The following EYS variants were observed in gnomAD, a reference collection of about 807,000 sequenced individuals.
EYS encodes EGF-like photoreceptor maintenance factor.
EYS carries 250 observed loss-of-function variants against 282.1 expected under a neutral mutation model. That is an observed-to-expected ratio of 0.89 (90% CI 0.80 to 0.98). EYS has a LOEUF of 0.98. EYS is among the 50% of genes least tolerant of loss of function. The probability of loss-of-function intolerance (pLI) is 0.00; values close to 1 mark genes in which losing one functional copy is unlikely to be tolerated. For synonymous variants in EYS, 1,355 were observed against 1,282.9 expected, an observed-to-expected ratio of 1.06 and a Z score of -1.20; for missense variants, 4,016 against 3,709.0, an observed-to-expected ratio of 1.08 and a Z score of -2.15.
intron 26 of EYS, among the ~76,000 whole-genome samples, chr6:64,444,945 C>T (rs1775070646): frequency 6.6e-6 from 1 of 152,224 alleles, no homozygotes; most frequent in African/African-American, 2.4e-5. Flanking sequence ...TCACCAGAAG[C>T]TGAGGAGATG....
intron 35 of EYS, among the ~76,000 whole-genome samples, chr6:63,871,757 C>T (rs1772810564): frequency 6.6e-6 from 1 of 152,156 alleles, no homozygotes; most frequent in African/African-American, 2.4e-5. Context: ...CCTGTAAACA[C>T]ATTCCCTTTG....
At chr6:63,962,349 C>T (rs561127433) in intron 35 of EYS, among the ~76,000 whole-genome samples, 30 of 152,160 alleles carry the variant, frequency 2.0e-4, no homozygotes, top group South Asian at 1.5e-3. Flanking sequence ...AAAAATTTTG[C>T]GATCTACTCA....
At chr6:64,686,874 TATATATATACACACAC>T (rs1355376078) in intron 22 of EYS, among the ~76,000 whole-genome samples, 1 of 108,332 alleles carries the variant, frequency 9.2e-6, no homozygotes, top group Non-Finnish European at 2.0e-5. Flanking sequence ...TATACGTGTA[TATATATATACACACAC>T]ATATATATGT....
At chr6:63,937,345 C>CTTTTTTTTTTTTTTTTTTTTTTTTTT (rs778809745) in intron 35 of EYS, among the ~76,000 whole-genome samples, 2 of 54,498 alleles carry the variant, frequency 3.7e-5, no homozygotes, top group Admixed American at 2.3e-4. Flanking sequence ...TCTCTCTTTT[C>CTTTTTTTTTTTTTTTTTTTTTTTTTT]TTTTTTTTTT....
At chr6:64,249,530 A>G (rs1409499736) in intron 30 of EYS, among the ~76,000 whole-genome samples, 1 of 152,182 alleles carries the variant, frequency 6.6e-6, no homozygotes, top group Non-Finnish European at 1.5e-5. Flanking sequence ...ATACATTTAT[A>G]ATAATAAAAA....
At chr6:63,882,504 A>T (rs966989630) in intron 35 of EYS, among the ~76,000 whole-genome samples, 1 of 152,190 alleles carries the variant, frequency 6.6e-6, no homozygotes, top group African/African-American at 2.4e-5. Flanking sequence ...TCACCCACTC[A>T]ACGTTTACTG....
At chr6:65,648,309 A>AAT (rs548761571) in intron 1 of EYS, among the ~76,000 whole-genome samples, 4,315 of 87,012 alleles carry the variant, frequency 0.05, 84 homozygotes, top group Non-Finnish European at 0.079. Context: ...GGATAAAGAA[A>AAT]ATATATGTGT....
chr6:64,881,594 A>G (rs1056422768), intron 19 of EYS, among the ~76,000 whole-genome samples: 4 of 151,746 alleles, frequency 2.6e-5, no homozygotes, highest in African/African-American at 7.3e-5. Flanking sequence ...AGGGTAGGGA[A>G]CCTTCTCTGT....
At chr6:65,684,587 C>T (rs909247114) in intron 1 of EYS, among the ~76,000 whole-genome samples, 10 of 151,932 alleles carry the variant, frequency 6.6e-5, no homozygotes, top group Non-Finnish European at 1.2e-4. Context: ...ATACATGAAC[C>T]TAGGGGCTGT....
intron 13 of EYS, among the ~76,000 whole-genome samples, chr6:65,006,809 T>C (rs954998661): frequency 3.9e-5 from 6 of 152,200 alleles, no homozygotes; most frequent in African/African-American, 9.7e-5. Context: ...AATTGCCTAA[T>C]AATTGGTCTC....
At chr6:64,095,684 C>A (rs558501138) in intron 31 of EYS, among the ~76,000 whole-genome samples, 19 of 152,142 alleles carry the variant, frequency 1.2e-4, no homozygotes, top group African/African-American at 4.3e-4. Context: ...ATACAGCACA[C>A]TGATGGGTCT....
intron 31 of EYS, among the ~76,000 whole-genome samples, chr6:64,103,174 G>A (rs1772892268): frequency 6.6e-6 from 1 of 152,022 alleles, no homozygotes; most frequent in Non-Finnish European, 1.5e-5. Flanking sequence ...TGGTGGTTAT[G>A]GGAGGAAAAT....
chr6:65,060,816 A>G (rs968101118), intron 12 of EYS, among the ~76,000 whole-genome samples: 1 of 150,148 alleles, frequency 6.7e-6, no homozygotes, highest in Non-Finnish European at 1.5e-5. Flanking sequence ...ACACATACAT[A>G]TATATGTAAT....
chr6:64,853,942 T>C (rs1004653212), intron 19 of EYS, among the ~76,000 whole-genome samples: 1 of 151,844 alleles, frequency 6.6e-6, no homozygotes, highest in African/African-American at 2.4e-5. Context: ...GGGTGAAGGA[T>C]ATGAACAGAC....
chr6:64,322,836 G>A (rs1205533887), intron 29 of EYS, among the ~76,000 whole-genome samples: 1 of 152,018 alleles, frequency 6.6e-6, no homozygotes, highest in African/African-American at 2.4e-5. Flanking sequence ...AACTGGCAAA[G>A]AATGTCTCTG....
intron 14 of EYS, 22 bp downstream of exon 14, chr6:64,997,560 T>G: frequency 3.9e-6 from 6 of 1,548,942 alleles, no homozygotes; most frequent in Non-Finnish European, 5.2e-6. Flanking sequence ...TTTAGGTATA[T>G]AAAAAGCCAG....
chr6:64,825,359 TTCTC>T (rs1208405303), intron 19 of EYS, among the ~76,000 whole-genome samples: 1 of 151,896 alleles, frequency 6.6e-6, no homozygotes, highest in South Asian at 2.1e-4. Context: ...TTTTTTCTTT[TTCTC>T]TCTATTTCTC....
intron 1 of EYS, among the ~76,000 whole-genome samples, chr6:65,670,864 T>C (rs929240758): frequency 6.6e-6 from 1 of 152,092 alleles, no homozygotes; most frequent in Non-Finnish European, 1.5e-5. Context: ...GCCACAGTTA[T>C]AGCTATCTCA....
intron 5 of EYS, among the ~76,000 whole-genome samples, chr6:65,413,972 T>C (rs1446393934): frequency 3.9e-5 from 6 of 152,206 alleles, no homozygotes; most frequent in Non-Finnish European, 7.3e-5. Context: ...ATATAATTTG[T>C]TGCCTTCATT....
Sources: gnomAD v4.1 joint callset for allele counts (sites outside exome capture counted in the v4.1 genomes callset) on GRCh38, gnomAD v4.1.1 for gene constraint, MANE v1.5 for transcripts, NCBI Gene and HGNC (gene_info 2026-07-23, HGNC 2026-07-21) for gene names.